RALGAPA2: variants seen among roughly 807,000 people sequenced by gnomAD.
RALGAPA2 encodes ral GTPase-activating protein subunit alpha-2.
Under a neutral mutation model 230.4 loss-of-function variants are expected in RALGAPA2, and 139 were observed. The observed-to-expected ratio is 0.60, with a 90% CI of 0.53 to 0.69. RALGAPA2 has a LOEUF of 0.69. Among genes scored for constraint, RALGAPA2 ranks in the 30% least tolerant of loss-of-function variants. The pLI, the probability that RALGAPA2 is intolerant of heterozygous loss-of-function variation, is 0.00. For synonymous variants in RALGAPA2, 847 were observed against 837.8 expected, an observed-to-expected ratio of 1.01 and a Z score of -0.19; for missense variants, 2,163 against 2,276.0, an observed-to-expected ratio of 0.95 and a Z score of 1.01.
At chr20:20,409,599 A>T (rs563180092) in intron 38 of RALGAPA2, among the ~76,000 whole-genome samples, 4 of 152,192 alleles carry the variant, frequency 2.6e-5, no homozygotes, top group Non-Finnish European at 4.4e-5. Flanking sequence ...TCTTAGTTTA[A>T]GCTGGCTGGC....
chr20:20,482,915 C>T (rs928202998), intron 36 of RALGAPA2, among the ~76,000 whole-genome samples: 3 of 152,222 alleles, frequency 2.0e-5, no homozygotes, highest in Non-Finnish European at 2.9e-5. Context: ...CCAGCTTGCT[C>T]TCAAGACTCT....
At chr20:20,648,418 A>C (rs1370277911) in intron 4 of RALGAPA2, among the ~76,000 whole-genome samples, 2 of 152,142 alleles carry the variant, frequency 1.3e-5, no homozygotes, top group Non-Finnish European at 2.9e-5. Context: ...ACCTATGTTC[A>C]TTATCTTGAT....
At chr20:20,557,434 T>C (rs568438599) in intron 23 of RALGAPA2, among the ~76,000 whole-genome samples, 2 of 152,320 alleles carry the variant, frequency 1.3e-5, no homozygotes, top group South Asian at 4.1e-4. Context: ...GTCAGAAAAC[T>C]ATACTTTTCC....
chr20:20,502,344 C>T (rs1027367491), intron 35 of RALGAPA2, among the ~76,000 whole-genome samples: 7 of 152,006 alleles, frequency 4.6e-5, no homozygotes, highest in Admixed American at 2.6e-4. Context: ...ATCTGGCTAA[C>T]GGGGCAGGGG....
At position 20,633,453 on chromosome 20, in the gene RALGAPA2, C is replaced by T. The variant is rs535500217; in HGVS notation, c.1005+1965G>A. 3.3e-5 allele frequency among the ~76,000 whole-genome samples: 5 copies of T among 151,230 alleles called. No homozygotes were observed. In the East Asian group the frequency reaches 9.9e-4, roughly 30 times the overall value. On this transcript the variant is annotated intron_variant, in intron 9 of 39. Coordinates refer to ENST00000202677, the MANE Select transcript of RALGAPA2 (RefSeq NM_020343.4). ...CCCAGCCTACTGGGTCTTATTTCTA[C>T]CTAAGGTAGTCTACCACTTCCCAAA...
intron 27 of RALGAPA2, among the ~76,000 whole-genome samples, chr20:20,530,594 T>C (rs1030332159): frequency 2.0e-5 from 3 of 152,128 alleles, no homozygotes; most frequent in Non-Finnish European, 4.4e-5. Context: ...CAAAGGGTGG[T>C]ACAGAGACTG....
intron 37 of RALGAPA2, among the ~76,000 whole-genome samples, chr20:20,431,686 C>G (rs1397708556): frequency 6.6e-6 from 1 of 152,098 alleles, no homozygotes; most frequent in Non-Finnish European, 1.5e-5. Context: ...GCAAAGGGAG[C>G]AGATTTTAAG....
chr20:20,417,485 C>T lies in RALGAPA2; in HGVS notation c.5496-5337G>A, dbSNP rs540217454. ...TGGCCTCTTCCTATTCTATGTGTCT[C>T]TCATAAAGGACACTCCTCACTGGAT... On this transcript the variant is annotated intron_variant, in intron 37 of 39. Coordinates refer to ENST00000202677, the MANE Select transcript of RALGAPA2 (RefSeq NM_020343.4). Among the ~76,000 whole-genome samples the T allele has an allele frequency of 1.4e-4, 22 of 152,296 alleles. No homozygotes were observed. In the South Asian group the frequency reaches 4.1e-3, roughly 29 times the overall value.
chr20:20,586,647 A>T (rs1265345597), intron 18 of RALGAPA2, among the ~76,000 whole-genome samples: 1 of 152,244 alleles, frequency 6.6e-6, no homozygotes, highest in Non-Finnish European at 1.5e-5. Context: ...ATTAGAAATT[A>T]CAAGATATGC....
chr20:20,629,705 G>C, intron 9 of RALGAPA2, 115 bp from the exon 10 acceptor site: 4 of 1,093,736 alleles, frequency 3.7e-6, no homozygotes, highest in Non-Finnish European at 5.3e-6. Context: ...TGTGCACAGG[G>C]TACAGCAAAC....
At chr20:20,397,456 C>CCTAT (rs2059740396) in intron 38 of RALGAPA2, among the ~76,000 whole-genome samples, 1 of 152,214 alleles carries the variant, frequency 6.6e-6, no homozygotes, top group South Asian at 2.1e-4. Context: ...TCCACGCCAT[C>CCTAT]CTATTTCCTA....
chr20:20,398,830 G>A lies in RALGAPA2; in HGVS notation c.5618-2096C>T, dbSNP rs565826093. ...AGTGGTGACCAAAGCAGATGAAACC[G>A]CTGCCTCCAGGGGATCTGGGAGAAA... On this transcript the variant is annotated intron_variant, in intron 38 of 39. Transcript: ENST00000202677. The surrounding 1 kb of genome is among the most constrained non-coding windows in gnomAD (Gnocchi z 4.5). 6.6e-5 allele frequency among the ~76,000 whole-genome samples: 10 copies of A among 152,294 alleles called. No individual in the cohort carries two copies. The South Asian group carries it at 1.2e-3, about 19-fold the overall frequency.
intron 22 of RALGAPA2, 49 bp downstream of exon 22, chr20:20,571,799 A>G (rs769523598): frequency 3.9e-6 from 6 of 1,527,146 alleles, no homozygotes; most frequent in Non-Finnish European, 5.4e-6. Flanking sequence ...ACTCAATTTC[A>G]GAAAGGAAGA....
intron 31 of RALGAPA2, among the ~76,000 whole-genome samples, chr20:20,519,008 A>T (rs990245237): frequency 6.6e-6 from 1 of 152,238 alleles, no homozygotes; most frequent in African/African-American, 2.4e-5. Context: ...ATAAACAATT[A>T]AATGATTAAA....
intron 31 of RALGAPA2, 74 bp downstream of exon 31, chr20:20,520,843 T>G: frequency 8.0e-7 from 1 of 1,246,264 alleles, no homozygotes; most frequent in African/African-American, 1.5e-5. Context: ...TAAAAAAAAA[T>G]AGAGCAAGCA....
At chr20:20,524,927 C>G (rs771241255) in intron 28 of RALGAPA2, 29 bp from the exon 29 acceptor site, 2 of 1,573,580 alleles carry the variant, frequency 1.3e-6, no homozygotes, top group Non-Finnish European at 1.7e-6. Context: ...CCCAATCAAA[C>G]AGACCATATT....
intron 15 of RALGAPA2, among the ~76,000 whole-genome samples, chr20:20,603,362 A>C (rs532891770): frequency 6.6e-6 from 1 of 152,320 alleles, no homozygotes; most frequent in Admixed American, 6.5e-5. Flanking sequence ...AGATATAAGA[A>C]TCCACCACAT....
At chr20:20,650,413 G>C (rs528102946) in intron 4 of RALGAPA2, among the ~76,000 whole-genome samples, 1 of 152,152 alleles carries the variant, frequency 6.6e-6, no homozygotes, top group African/African-American at 2.4e-5. Flanking sequence ...TACAGCAGTT[G>C]CCCTTATTTT....
rs1379012897 is a variant in RALGAPA2 at position 20,536,542 on chromosome 20, AT to A, written c.3414+113del. The A allele has an allele frequency of 3.3e-6, 4 of 1,206,776 alleles. No individual in the cohort carries two copies. In the African/African-American group the frequency reaches 6.2e-5, roughly 19 times the overall value. The allele number at this position is 1,206,776 out of a possible 1,614,324, so 74.8% of individuals were successfully genotyped here. ...AAACAACTACTGAAACATTTAAAAG[AT>A]ACAGCAAAACTTCAGGAATAAGCAG... On this transcript the variant is annotated intron_variant, in intron 25 of 39. Coordinates refer to ENST00000202677, the MANE Select transcript of RALGAPA2 (RefSeq NM_020343.4).
Sources: gnomAD v4.1 joint callset for allele counts (sites outside exome capture counted in the v4.1 genomes callset) on GRCh38, gnomAD v4.1.1 for gene constraint, Gnocchi (gnomAD v3.1) non-coding constraint, MANE v1.5 for transcripts, NCBI Gene and HGNC (gene_info 2026-07-23, HGNC 2026-07-21) for gene names.